HACL2: variants seen among roughly 807,000 people sequenced by gnomAD.
HACL2 encodes the protein 2-hydroxyacyl-CoA lyase 2.
chr19:15,119,617 C>A, the HACL2 span: 1 of 973,944 alleles, frequency 1.0e-6, no homozygotes, highest in South Asian at 1.7e-5. Flanking sequence ...ATGGCATGAT[C>A]TCAGCTCACT....
the HACL2 span, chr19:15,118,062 T>C: frequency 6.2e-7 from 1 of 1,611,028 alleles, no homozygotes; most frequent in Non-Finnish European, 8.5e-7. Flanking sequence ...CCATGTCGTC[T>C]ACCTTACTTG....
chr19:15,116,709 C>T, the HACL2 span: 1 of 588,454 alleles, frequency 1.7e-6, no homozygotes, highest in Non-Finnish European at 3.0e-6. Context: ...GGGAGGGCAG[C>T]CCAGGTGAAA....
the HACL2 span, chr19:15,116,761 G>A: frequency 3.8e-6 from 2 of 520,472 alleles, no homozygotes. Flanking sequence ...AGGAGCACAA[G>A]GCAGGTGACA....
the HACL2 span, chr19:15,119,665 C>G: frequency 1.4e-6 from 1 of 718,560 alleles, no homozygotes; most frequent in Non-Finnish European, 2.3e-6. Flanking sequence ...ATTCTCCCGC[C>G]TCAGCCTCCA....
At chr19:15,117,858 T>C in the HACL2 span, 1 of 1,613,554 alleles carries the variant, frequency 6.2e-7, no homozygotes, top group Non-Finnish European at 8.5e-7. Context: ...CACATATGTG[T>C]ACGGGGGGAT....
At chr19:15,116,477 C>T in the HACL2 span, 1 of 1,613,872 alleles carries the variant, frequency 6.2e-7, no homozygotes, top group Non-Finnish European at 8.5e-7. Flanking sequence ...CCAGGTCTGG[C>T]CCTGAAGGCC....
the HACL2 span, chr19:15,119,662 C>T: frequency 8.7e-5 from 63 of 720,062 alleles, no homozygotes; most frequent in South Asian, 3.0e-4. Context: ...ACGATTCTCC[C>T]GCCTCAGCCT....
At chr19:15,123,536 G>A in the HACL2 span, 1 of 1,613,968 alleles carries the variant, frequency 6.2e-7, no homozygotes, top group Non-Finnish European at 8.5e-7. The surrounding 1 kb of genome is among the most constrained non-coding windows in gnomAD (Gnocchi z 5.1). Flanking sequence ...CAGCACAGCG[G>A]CCACGTTCTC....
At chr19:15,123,019 C>G in the HACL2 span, 37 of 1,604,230 alleles carry the variant, frequency 2.3e-5, no homozygotes, top group South Asian at 3.8e-4. The surrounding 1 kb of genome is among the most constrained non-coding windows in gnomAD (Gnocchi z 5.1). Flanking sequence ...CAGCCTGGAG[C>G]GCACCCCGGT....
At chr19:15,120,163 C>T in the HACL2 span, 17 of 934,206 alleles carry the variant, frequency 1.8e-5, no homozygotes, top group South Asian at 7.8e-5. Flanking sequence ...GGAAAGGGGC[C>T]GGGAGAAAAG....
chr19:15,123,026 C>T, the HACL2 span: 19 of 1,605,002 alleles, frequency 1.2e-5, no homozygotes, highest in Admixed American at 1.2e-4. The surrounding 1 kb of genome is among the most constrained non-coding windows in gnomAD (Gnocchi z 5.1). Context: ...GAGCGCACCC[C>T]GGTTCTGGCA....
chr19:15,119,248 C>A, the HACL2 span: 4 of 1,609,772 alleles, frequency 2.5e-6, no homozygotes, highest in Admixed American at 5.0e-5. Context: ...GGCCTAACAG[C>A]CCCCGTGCCA....
At chr19:15,124,928 G>C in the HACL2 span, 10 of 1,605,756 alleles carry the variant, frequency 6.2e-6, no homozygotes, top group Non-Finnish European at 8.5e-6. Context: ...CCCGCACCTT[G>C]TGCAGCAGCT....
the HACL2 span, chr19:15,115,286 C>G: frequency 1.8e-5 from 29 of 1,614,172 alleles, no homozygotes; most frequent in Non-Finnish European, 2.5e-5. Flanking sequence ...GAAGTCCGTC[C>G]TCCCAATGAG....
At chr19:15,119,870 G>T in the HACL2 span, 1 of 729,850 alleles carries the variant, frequency 1.4e-6, no homozygotes, top group Non-Finnish European at 2.2e-6. Context: ...CCCTTGAGTC[G>T]CCATGAGCAC....
the HACL2 span, chr19:15,116,467 C>T: frequency 1.2e-6 from 2 of 1,613,934 alleles, no homozygotes; most frequent in Non-Finnish European, 1.7e-6. Context: ...AGTCTGGGGC[C>T]CAGGTCTGGC....
At chr19:15,123,516 C>T in the HACL2 span, 1 of 1,614,196 alleles carries the variant, frequency 6.2e-7, no homozygotes, top group Non-Finnish European at 8.5e-7. The surrounding 1 kb of genome is among the most constrained non-coding windows in gnomAD (Gnocchi z 5.1). Flanking sequence ...AACCGCACAC[C>T]ATGGGCCCTC....
the HACL2 span, chr19:15,117,998 G>A: frequency 1.1e-5 from 18 of 1,614,026 alleles, no homozygotes; most frequent in Middle Eastern, 6.6e-4. Flanking sequence ...TAGGATAGGC[G>A]GAAGTCACAC....
At chr19:15,125,327 C>A in the HACL2 span, 6 of 498,126 alleles carry the variant, frequency 1.2e-5, no homozygotes, top group Non-Finnish European at 2.1e-5. Context: ...CCCAAACTAG[C>A]CACCACAAGT....
Sources: gnomAD v4.1 joint callset for allele counts on GRCh38, gnomAD v4.1.1 for gene constraint, Gnocchi (gnomAD v3.1) non-coding constraint, MANE v1.5 for transcripts, NCBI Gene and HGNC (gene_info 2026-07-23, HGNC 2026-07-21) for gene names.